Variants in SCML4 observed in about 807,000 individuals in gnomAD.
SCML4 encodes sex comb on midleg-like protein 4.
Under a neutral mutation model 41.1 loss-of-function variants are expected in SCML4, and 34 were observed. The observed-to-expected ratio is 0.83, with a 90% confidence interval of 0.63 to 1.10. SCML4 has a LOEUF of 1.10. Ranked by LOEUF, SCML4 falls within the 50% of genes least tolerant of loss-of-function variation. SCML4 has a pLI of 0.00. For missense variants in SCML4, 522 were observed against 534.1 expected (o/e 0.98, Z 0.22); for synonymous variants, 214 against 220.9 (o/e 0.97, Z 0.28).
chr6:107,745,173 G>A, intron 4 of SCML4, 30 bp from the exon 5 acceptor site: 4 of 1,496,320 alleles, frequency 2.7e-6, no homozygotes, highest in Non-Finnish European at 3.6e-6. Context: ...TCAGCTTAGA[G>A]CCGGGCACTG....
intron 1 of SCML4, among the ~76,000 whole-genome samples, chr6:107,799,054 T>G (rs2114628908): frequency 6.6e-6 from 1 of 152,298 alleles, no homozygotes; most frequent in Non-Finnish European, 1.5e-5. Context: ...AGTTCTATAG[T>G]GTTCTATAAA....
chr6:107,756,449 C>G (rs192651568), intron 2 of SCML4, among the ~76,000 whole-genome samples: 1 of 152,188 alleles, frequency 6.6e-6, no homozygotes, highest in Non-Finnish European at 1.5e-5. Context: ...CAGTACTCCT[C>G]AAAACTGCCA....
At chr6:107,717,031 G>A (rs921974822) in intron 6 of SCML4, among the ~76,000 whole-genome samples, 2 of 151,738 alleles carry the variant, frequency 1.3e-5, no homozygotes, top group Non-Finnish European at 2.9e-5. Flanking sequence ...TGGGCGGGGT[G>A]GCTCACGCCT....
chr6:107,790,908 A>G (rs1342790324), intron 1 of SCML4, among the ~76,000 whole-genome samples: 1 of 152,066 alleles, frequency 6.6e-6, no homozygotes, highest in Non-Finnish European at 1.5e-5. Context: ...TGTATCTACT[A>G]AAAATACAAA....
At chr6:107,742,528 A>C (rs1416950434) in intron 5 of SCML4, among the ~76,000 whole-genome samples, 1 of 152,224 alleles carries the variant, frequency 6.6e-6, no homozygotes, top group Non-Finnish European at 1.5e-5. Context: ...GGACAAAGAG[A>C]GAATCCTAAA....
intron 3 of SCML4, among the ~76,000 whole-genome samples, chr6:107,748,144 T>C (rs985606743): frequency 7.2e-5 from 11 of 152,224 alleles, no homozygotes; most frequent in African/African-American, 2.7e-4. Context: ...GCATACATTG[T>C]AAAACATAGC....
intron 1 of SCML4, among the ~76,000 whole-genome samples, chr6:107,823,733 TA>T (rs1245412962): frequency 6.6e-6 from 1 of 152,144 alleles, no homozygotes; most frequent in East Asian, 1.9e-4. Context: ...TTTTTAAAAT[TA>T]AAAAGCAAAA....
intron 6 of SCML4, chr6:107,720,266 G>C: frequency 1.4e-6 from 1 of 711,290 alleles, no homozygotes; most frequent in Non-Finnish European, 1.7e-6. Flanking sequence ...TCAGATTGCA[G>C]GGAAGCACCT....
intron 2 of SCML4, chr6:107,755,779 C>T (rs568984946): frequency 3.2e-6 from 1 of 311,752 alleles, no homozygotes; most frequent in African/African-American, 2.3e-5. Flanking sequence ...AAACTCCTTG[C>T]AGACATGGCT....
At chr6:107,830,229 CA>C in the SCML4 span, among the ~76,000 whole-genome samples, 24,313 of 152,112 alleles carry the variant, frequency 0.16, 2,039 homozygotes, top group Admixed American at 0.22. Flanking sequence ...CACTCTCATC[CA>C]AGGAAAAACG....
At chr6:107,755,748 A>T in intron 2 of SCML4, 1 of 492,038 alleles carries the variant, frequency 2.0e-6, no homozygotes, top group Non-Finnish European at 3.0e-6. Flanking sequence ...TTCTAACACC[A>T]TTCTTCAATG....
At chr6:107,742,231 T>C (rs979469174) in intron 5 of SCML4, among the ~76,000 whole-genome samples, 3 of 152,040 alleles carry the variant, frequency 2.0e-5, no homozygotes, top group East Asian at 3.9e-4. Flanking sequence ...TTTGGAAATA[T>C]AGTCAAAAGA....
intron 2 of SCML4, among the ~76,000 whole-genome samples, chr6:107,766,454 T>C (rs935792501): frequency 6.6e-6 from 1 of 150,998 alleles, no homozygotes; most frequent in Non-Finnish European, 1.5e-5. Flanking sequence ...CTGGGCAACA[T>C]AGTATAATAA....
chr6:107,828,837 T>G (rs540180274), upstream of SCML4, among the ~76,000 whole-genome samples: 25 of 152,282 alleles, frequency 1.6e-4, no homozygotes, highest in Non-Finnish European at 2.2e-4. Context: ...AAGGCCTGCC[T>G]TTCATGGGGC....
chr6:107,793,146 C>A (rs1782465221), intron 1 of SCML4, among the ~76,000 whole-genome samples: 1 of 152,108 alleles, frequency 6.6e-6, no homozygotes, highest in South Asian at 2.1e-4. Context: ...AGAAATGACC[C>A]CCAATGATCC....
upstream of SCML4, among the ~76,000 whole-genome samples, chr6:107,825,861 C>T (rs1011290821): frequency 8.3e-5 from 11 of 132,462 alleles, no homozygotes; most frequent in African/African-American, 2.6e-4. Flanking sequence ...GGCGTGAACC[C>T]GGGAGGCGGA....
intron 2 of SCML4, among the ~76,000 whole-genome samples, chr6:107,765,815 A>C (rs571374710): frequency 1.5e-4 from 23 of 152,312 alleles, no homozygotes; most frequent in African/African-American, 5.5e-4. Context: ...CCATGAAGGG[A>C]ATATTTACAC....
chr6:107,795,070 A>G (rs1782608847), intron 1 of SCML4, among the ~76,000 whole-genome samples: 3 of 152,008 alleles, frequency 2.0e-5, no homozygotes. Context: ...AAATAAGTTC[A>G]CCTTCTGAGT....
intron 6 of SCML4, among the ~76,000 whole-genome samples, chr6:107,712,169 C>T (rs1001048862): frequency 6.6e-6 from 1 of 152,162 alleles, no homozygotes; most frequent in Non-Finnish European, 1.5e-5. Flanking sequence ...ATCACATTGC[C>T]TTTGGATCCT....
Sources: allele counts gnomAD v4.1 joint callset (sites outside exome capture counted in the v4.1 genomes callset), GRCh38; gene constraint gnomAD v4.1.1; transcripts MANE v1.5; gene names NCBI Gene and HGNC (gene_info 2026-07-23, HGNC 2026-07-21).